CELF2: variants seen among roughly 807,000 people sequenced by gnomAD.
CELF2 encodes the protein CUGBP Elav-like family member 2.
In CELF2, 8 loss-of-function variants were observed where a neutral mutation model predicts 62.6. The ratio of observed to expected loss-of-function variants is 0.13; its 90% CI spans 0.07 to 0.23. The LOEUF is 0.23. Among genes scored for constraint, CELF2 ranks in the 10% least tolerant of loss-of-function variants. The pLI, the probability that CELF2 is intolerant of heterozygous loss-of-function variation, is 1.00. For missense variants in CELF2, 333 were observed against 671.0 expected, an observed-to-expected ratio of 0.50 and a Z score of 5.56; for synonymous variants, 258 against 250.0, an observed-to-expected ratio of 1.03 and a Z score of -0.30.
At chr10:11,286,407 T>C (rs1208480734) in intron 8 of CELF2, among the ~76,000 whole-genome samples, 2 of 152,236 alleles carry the variant, frequency 1.3e-5, no homozygotes, top group Non-Finnish European at 2.9e-5. Flanking sequence ...TGGTTCACGT[T>C]AGAGGAAGCA....
intron 1 of CELF2, among the ~76,000 whole-genome samples, chr10:11,059,369 T>C (rs545699575): frequency 6.6e-6 from 1 of 152,142 alleles, no homozygotes; most frequent in African/African-American, 2.4e-5. Context: ...GCCTGGTAAT[T>C]TGGGAGGGTT....
intron 1 of CELF2, among the ~76,000 whole-genome samples, chr10:11,113,028 G>A (rs190895019): frequency 8.5e-5 from 13 of 152,332 alleles, no homozygotes; most frequent in Non-Finnish European, 1.5e-4. Context: ...ATTTCCACAC[G>A]TGTAGCCCAT....
intron 1 of CELF2, among the ~76,000 whole-genome samples, chr10:10,886,728 T>C (rs191016019): frequency 6.6e-6 from 1 of 152,214 alleles, no homozygotes; most frequent in African/African-American, 2.4e-5. Context: ...CCCAGCTACC[T>C]GGGAAGCTGA....
chr10:11,302,846 A>G lies in CELF2; in HGVS notation c.977-11293A>G, dbSNP rs1034034611. ...GACAGTGGAAGTTGGAGCCTTCACCAGAGTTCTGCCTGGAAGCATTAGAAT... is the reference window on the plus strand; with the variant it reads ...GACAGTGGAAGTTGGAGCCTTCACCGGAGTTCTGCCTGGAAGCATTAGAAT... On this transcript the variant is annotated intron_variant, in intron 9 of 12. Transcript: ENST00000633077. This position sits in a 1 kb window ranked among gnomAD's most constrained non-coding sequence, Gnocchi z 5.0. Among the ~76,000 whole-genome samples, 3 of 152,216 alleles carry G rather than the reference A, an allele frequency of 2.0e-5. No individual in the cohort carries two copies. Among genetic ancestry groups the G allele is most frequent in the Non-Finnish European group, 2.9e-5 (2 of 68,042 alleles).
At chr10:11,261,644 C>T (rs1026786258) in intron 5 of CELF2, among the ~76,000 whole-genome samples, 1 of 152,252 alleles carries the variant, frequency 6.6e-6, no homozygotes, top group South Asian at 2.1e-4. Context: ...TCTCAGTATG[C>T]GTTTCTCCCT....
At chr10:11,003,100 T>C (rs914848453), upstream of CELF2, among the ~76,000 whole-genome samples, 1 of 152,224 alleles carries the variant, frequency 6.6e-6, no homozygotes, top group African/African-American at 2.4e-5. This position sits in a 1 kb window ranked among gnomAD's most constrained non-coding sequence, Gnocchi z 4.4. Flanking sequence ...GTTTAGCACA[T>C]GGTGGATGTA....
At chr10:10,639,602 T>C in the CELF2 span, among the ~76,000 whole-genome samples, 1 of 152,204 alleles carries the variant, frequency 6.6e-6, no homozygotes, top group Admixed American at 6.5e-5. Context: ...CCCTGATATA[T>C]ATCTTTAAAA....
At chr10:10,611,337 A>G in the CELF2 span, among the ~76,000 whole-genome samples, 59 of 152,106 alleles carry the variant, frequency 3.9e-4, no homozygotes, top group African/African-American at 1.4e-3. Flanking sequence ...TCCTTATCTT[A>G]CTTTACGAAA....
chr10:10,649,664 A>G, the CELF2 span, among the ~76,000 whole-genome samples: 1 of 152,226 alleles, frequency 6.6e-6, no homozygotes, highest in Non-Finnish European at 1.5e-5. Flanking sequence ...GAGTGATTCA[A>G]TGATTCCCTC....
chr10:10,755,366 A>T, the CELF2 span, among the ~76,000 whole-genome samples: 2 of 152,224 alleles, frequency 1.3e-5, no homozygotes, highest in Admixed American at 6.5e-5. Flanking sequence ...GGTAGCAAGT[A>T]ACAGAAAACC....
At chr10:10,833,652 A>G (rs1481723819) in intron 1 of CELF2, among the ~76,000 whole-genome samples, 1 of 152,248 alleles carries the variant, frequency 6.6e-6, no homozygotes, top group Non-Finnish European at 1.5e-5. Flanking sequence ...GTGGATGTGA[A>G]CACGAACAGT....
chr10:10,531,849 CTG>C, the CELF2 span, among the ~76,000 whole-genome samples: 1 of 152,224 alleles, frequency 6.6e-6, no homozygotes, highest in African/African-American at 2.4e-5. Flanking sequence ...AGTCAGCACT[CTG>C]TGGTCCCACA....
chr10:11,150,996 G>A (rs17449581), intron 1 of CELF2, among the ~76,000 whole-genome samples: 2,024 of 152,284 alleles, frequency 0.013, 22 homozygotes, highest in Admixed American at 0.019. Flanking sequence ...CACCTTTCAA[G>A]AATGTTGTGA....
At chr10:10,488,536 T>C in the CELF2 span, among the ~76,000 whole-genome samples, 30 of 152,286 alleles carry the variant, frequency 2.0e-4, no homozygotes, top group East Asian at 4.2e-3. Flanking sequence ...AAACACTTCA[T>C]GTGTATTTGC....
the CELF2 span, among the ~76,000 whole-genome samples, chr10:10,506,962 G>A: frequency 6.6e-6 from 1 of 152,026 alleles, no homozygotes; most frequent in Admixed American, 6.6e-5. Flanking sequence ...ACTGCGCCTG[G>A]CTACCTCCTG....
At chr10:10,908,880 C>T (rs2063568958) in intron 1 of CELF2, among the ~76,000 whole-genome samples, 2 of 152,152 alleles carry the variant, frequency 1.3e-5, no homozygotes, top group African/African-American at 4.8e-5. Context: ...TTCCACCTCC[C>T]AGATTCAGCC....
At chr10:10,533,941 A>G in the CELF2 span, among the ~76,000 whole-genome samples, 1 of 152,236 alleles carries the variant, frequency 6.6e-6, no homozygotes, top group South Asian at 2.1e-4. Context: ...AGAAAACAAA[A>G]TACCTCTAAG....
At chr10:10,601,340 G>C in the CELF2 span, among the ~76,000 whole-genome samples, 1 of 152,212 alleles carries the variant, frequency 6.6e-6, no homozygotes, top group Non-Finnish European at 1.5e-5. Flanking sequence ...ACAGCAGCAA[G>C]AAGAGGTTAG....
In CELF2 at chr10:11,305,827, A is replaced by G. The variant is rs2094160997; in HGVS notation, c.977-8312A>G. ...TCCAACAGTGAGCTTATCTGGGCAA[A>G]CAAGCAAAGAACTTCTGTGGCCAGG... On this transcript the variant is annotated intron_variant, in intron 9 of 12. Coordinates refer to ENST00000633077, the MANE Select transcript of CELF2 (RefSeq NM_001326342.2). The surrounding 1 kb of genome is among the most constrained non-coding windows in gnomAD (Gnocchi z 4.8). 6.6e-6 allele frequency among the ~76,000 whole-genome samples: 1 copy of G among 152,190 alleles called. No homozygotes were observed. The highest frequency in any genetic ancestry group is 2.4e-5 in the African/African-American group (1 of 41,454).
Sources: allele counts gnomAD v4.1 joint callset (sites outside exome capture counted in the v4.1 genomes callset), GRCh38; gene constraint gnomAD v4.1.1; non-coding constraint Gnocchi (gnomAD v3.1); transcripts MANE v1.5; gene names NCBI Gene and HGNC (gene_info 2026-07-23, HGNC 2026-07-21).